Variants in SCFD2 observed in about 807,000 individuals in gnomAD.
SCFD2 encodes sec1 family domain containing 2.
Under a neutral mutation model 58.9 loss-of-function variants are expected in SCFD2, and 54 were observed. That is an observed-to-expected ratio of 0.92 (90% confidence interval 0.74 to 1.15). The LOEUF is 1.15. SCFD2 is among the 50% of genes most tolerant of loss of function. The pLI, the probability that SCFD2 is intolerant of heterozygous loss-of-function variation, is 0.00. For missense variants in SCFD2, 805 were observed against 836.6 expected (o/e 0.96, Z 0.47); for synonymous variants, 321 against 335.9 (o/e 0.96, Z 0.49).
chr4:53,325,044 G>C (rs772005925), intron 2 of SCFD2, among the ~76,000 whole-genome samples: 3 of 152,028 alleles, frequency 2.0e-5, no homozygotes, highest in Non-Finnish European at 4.4e-5. Flanking sequence ...CAACAATCAG[G>C]CCCTCTATCT....
intron 6 of SCFD2, among the ~76,000 whole-genome samples, chr4:52,913,168 T>C (rs1719524682): frequency 6.6e-6 from 1 of 152,110 alleles, no homozygotes; most frequent in Admixed American, 6.5e-5. Flanking sequence ...TGCCCAATCA[T>C]TCAGGGACCC....
At chr4:53,253,538 A>ATAT (rs1296572032) in intron 4 of SCFD2, among the ~76,000 whole-genome samples, 3 of 152,224 alleles carry the variant, frequency 2.0e-5, no homozygotes, top group African/African-American at 7.2e-5. Context: ...GCACATATAC[A>ATAT]CCATGGAATA....
chr4:53,336,961 A>G (rs1460315293), intron 2 of SCFD2, among the ~76,000 whole-genome samples: 3 of 152,236 alleles, frequency 2.0e-5, no homozygotes, highest in African/African-American at 7.2e-5. Context: ...ATCATTAGCC[A>G]TGAGGGAAAT....
chr4:53,083,573 C>T (rs1225551158), intron 5 of SCFD2, among the ~76,000 whole-genome samples: 2 of 152,108 alleles, frequency 1.3e-5, no homozygotes, highest in East Asian at 3.9e-4. Flanking sequence ...AAACCAAATT[C>T]AACAATATAT....
intron 5 of SCFD2, among the ~76,000 whole-genome samples, chr4:52,992,738 C>A (rs1721645988): frequency 6.6e-6 from 1 of 151,916 alleles, no homozygotes; most frequent in Non-Finnish European, 1.5e-5. Flanking sequence ...AAGTGAAGAG[C>A]CCCTCCGCCC....
intron 5 of SCFD2, among the ~76,000 whole-genome samples, chr4:53,033,236 T>C (rs1184085612): frequency 3.3e-5 from 5 of 151,954 alleles, no homozygotes; most frequent in Admixed American, 3.3e-4. Context: ...AATAACGAAA[T>C]GAAGGCAGAA....
At chr4:53,144,677 A>T (rs1253342382) in intron 5 of SCFD2, among the ~76,000 whole-genome samples, 1 of 152,054 alleles carries the variant, frequency 6.6e-6, no homozygotes, top group Admixed American at 6.6e-5. Context: ...ATCAATAGGA[A>T]ACTCTTTGAA....
chr4:52,906,290 C>G (rs907433203), intron 7 of SCFD2, among the ~76,000 whole-genome samples: 2 of 152,190 alleles, frequency 1.3e-5, no homozygotes, highest in African/African-American at 4.8e-5. Flanking sequence ...AAAGTCCACA[C>G]TTGATATTTT....
At position 52,935,931 on chromosome 4, in the gene SCFD2, G is replaced by A. The variant is rs577071169; in HGVS notation, c.1562-15061C>T. Among the ~76,000 whole-genome samples the A allele has an allele frequency of 3.9e-5, 6 of 152,076 alleles. No individual in the cohort carries two copies. The East Asian group carries it at 5.8e-4, about 15-fold the overall frequency. ...CGGCTCACCACAACCTCCGCCTCCC[G>A]GGTTCAAGCAATTCTCCTGCCTCAG... On this transcript the variant is annotated intron_variant, in intron 5 of 8. Transcript: ENST00000401642.
intron 2 of SCFD2, among the ~76,000 whole-genome samples, chr4:53,330,981 G>A (rs982699043): frequency 2.0e-5 from 3 of 151,002 alleles, no homozygotes; most frequent in Non-Finnish European, 4.5e-5. Context: ...AACCAACAAA[G>A]ATCAAAAGAG....
intron 5 of SCFD2, among the ~76,000 whole-genome samples, chr4:53,027,401 A>C (rs1722503651): frequency 6.6e-6 from 1 of 152,012 alleles, no homozygotes; most frequent in Non-Finnish European, 1.5e-5. Flanking sequence ...GATTAGAGAA[A>C]TCTCTCCCAG....
intron 7 of SCFD2, among the ~76,000 whole-genome samples, chr4:52,907,085 C>T (rs1719364105): frequency 6.6e-6 from 1 of 152,128 alleles, no homozygotes; most frequent in African/African-American, 2.4e-5. Flanking sequence ...CCTACATAAT[C>T]AGTTCTAGAA....
At chr4:53,108,206 G>A (rs1725061655) in intron 5 of SCFD2, among the ~76,000 whole-genome samples, 1 of 152,092 alleles carries the variant, frequency 6.6e-6, no homozygotes, top group East Asian at 1.9e-4. Flanking sequence ...CAGAATCAAC[G>A]GGACACAACT....
At chr4:53,353,940 G>A (rs1734319533) in intron 1 of SCFD2, among the ~76,000 whole-genome samples, 1 of 152,244 alleles carries the variant, frequency 6.6e-6, no homozygotes, top group Non-Finnish European at 1.5e-5. Context: ...ACAAAGTGCT[G>A]ATTGGTGCAT....
At chr4:53,205,002 A>T (rs1294212194) in intron 4 of SCFD2, among the ~76,000 whole-genome samples, 1 of 152,032 alleles carries the variant, frequency 6.6e-6, no homozygotes, top group East Asian at 1.9e-4. Context: ...CAGCTTTTCA[A>T]TATATCAAAG....
intron 5 of SCFD2, among the ~76,000 whole-genome samples, chr4:53,105,770 C>T (rs1193215734): frequency 2.0e-5 from 3 of 152,192 alleles, no homozygotes; most frequent in East Asian, 3.9e-4. Context: ...CTTCAGCAGA[C>T]TTAAATGTCC....
At chr4:53,299,508 G>C (rs1432340987) in intron 3 of SCFD2, among the ~76,000 whole-genome samples, 1 of 152,186 alleles carries the variant, frequency 6.6e-6, no homozygotes, top group Non-Finnish European at 1.5e-5. Context: ...ATGGAACCAA[G>C]TTGGAAAACA....
intron 4 of SCFD2, among the ~76,000 whole-genome samples, chr4:53,168,916 T>C (rs1257815775): frequency 6.6e-6 from 1 of 152,232 alleles, no homozygotes; most frequent in Non-Finnish European, 1.5e-5. Flanking sequence ...TGCCTCAGTC[T>C]CTGATAACTA....
At chr4:53,213,672 T>G (rs545114392) in intron 4 of SCFD2, among the ~76,000 whole-genome samples, 10 of 152,094 alleles carry the variant, frequency 6.6e-5, no homozygotes, top group African/African-American at 2.2e-4. Flanking sequence ...TTATTTATTT[T>G]TTTATAAAGT....
Sources: allele counts gnomAD v4.1 joint callset (sites outside exome capture counted in the v4.1 genomes callset), GRCh38; gene constraint gnomAD v4.1.1; transcripts MANE v1.5; gene names NCBI Gene and HGNC (gene_info 2026-07-23, HGNC 2026-07-21).